The following NFATC1 variants were observed in gnomAD, a reference collection of about 807,000 sequenced individuals.
NFATC1 encodes nuclear factor of activated T-cells, cytoplasmic 1.
In NFATC1, 22 loss-of-function variants were observed where a neutral mutation model predicts 76.0. The ratio of observed to expected loss-of-function variants is 0.29; its 90% CI spans 0.21 to 0.41. The LOEUF (loss-of-function observed/expected upper bound fraction) is 0.41, where lower values mean the gene tolerates loss of function less well. NFATC1 is among the 10% of genes least tolerant of loss of function. The pLI, the probability that NFATC1 is intolerant of heterozygous loss-of-function variation, is 1.00. For missense variants in NFATC1, 1,357 were observed against 1,337.7 expected (o/e 1.01, Z -0.23); for synonymous variants, 704 against 613.1 (o/e 1.15, Z -2.19).
intron 9 of NFATC1, among the ~76,000 whole-genome samples, chr18:79,502,202 T>C (rs2090028418): frequency 6.6e-6 from 1 of 152,238 alleles, no homozygotes; most frequent in South Asian, 2.1e-4. Context: ...AATTCTTATG[T>C]CTGCGGTAAA....
intron 3 of NFATC1, chr18:79,448,457 C>A: frequency 2.6e-6 from 1 of 381,382 alleles, no homozygotes; most frequent in Non-Finnish European, 4.8e-6. Flanking sequence ...GAGCCTTGCA[C>A]ATGGCTCAGC....
intron 3 of NFATC1, among the ~76,000 whole-genome samples, chr18:79,443,044 T>G (rs2087044942): frequency 6.6e-6 from 1 of 152,166 alleles, no homozygotes; most frequent in Non-Finnish European, 1.5e-5. Context: ...CCCTTCCCGG[T>G]CAGGACTGAG....
chr18:79,504,625 G>A (rs1025535271), intron 9 of NFATC1, among the ~76,000 whole-genome samples: 1 of 152,286 alleles, frequency 6.6e-6, no homozygotes, highest in Non-Finnish European at 1.5e-5. Context: ...GGCACCTGCT[G>A]TTGGAAACGT....
chr18:79,469,246 T>G, intron 8 of NFATC1: 1 of 814,242 alleles, frequency 1.2e-6, no homozygotes, highest in Non-Finnish European at 1.5e-6. Flanking sequence ...AAATTGAATG[T>G]TTTAAAGAAA....
intron 1 of NFATC1, among the ~76,000 whole-genome samples, chr18:79,397,201 TTG>T (rs2085036981): frequency 2.6e-5 from 4 of 152,318 alleles, no homozygotes; most frequent in Admixed American, 2.6e-4. Flanking sequence ...GAAAATACCC[TTG>T]CAGAGGTGTG....
At chr18:79,481,950 A>G (rs2089289560) in intron 8 of NFATC1, among the ~76,000 whole-genome samples, 1 of 130,946 alleles carries the variant, frequency 7.6e-6, no homozygotes, top group Admixed American at 7.7e-5. Flanking sequence ...GTGTCACTCC[A>G]GCATGACCTG....
At chr18:79,456,680 G>A (rs1439721394) in intron 6 of NFATC1, among the ~76,000 whole-genome samples, 6 of 152,320 alleles carry the variant, frequency 3.9e-5, no homozygotes, top group Admixed American at 2.6e-4. Context: ...GGAAGGTCTC[G>A]GCCTGGGGCA....
chr18:79,444,395 G>C (rs1056608015), intron 3 of NFATC1, among the ~76,000 whole-genome samples: 4 of 152,194 alleles, frequency 2.6e-5, no homozygotes, highest in African/African-American at 9.6e-5. Context: ...CAGGACAAGA[G>C]GTGTGCGGCG....
chr18:79,484,830 G>A (rs2089446780), intron 8 of NFATC1, among the ~76,000 whole-genome samples: 1 of 152,096 alleles, frequency 6.6e-6, no homozygotes, highest in Non-Finnish European at 1.5e-5. Context: ...CTGCCTTCAC[G>A]ACCGCCGGGA....
chr18:79,504,488 C>T (rs1396272918), intron 9 of NFATC1, among the ~76,000 whole-genome samples: 1 of 152,150 alleles, frequency 6.6e-6, no homozygotes, highest in Non-Finnish European at 1.5e-5. Flanking sequence ...GGGCACAGTT[C>T]GTGGCACCCC....
At chr18:79,484,511 C>T (rs548744944) in intron 8 of NFATC1, among the ~76,000 whole-genome samples, 3 of 152,100 alleles carry the variant, frequency 2.0e-5, no homozygotes, top group South Asian at 4.2e-4. Flanking sequence ...GTGTGCAGGG[C>T]GGACGCTTTA....
chr18:79,421,922 C>G (rs1380181455), intron 2 of NFATC1: 1 of 152,264 alleles, frequency 6.6e-6, no homozygotes. Flanking sequence ...TAGCTCCAGG[C>G]GTCAGAGTCT....
Position 79,525,468 on chromosome 18 carries a change from TCCCACCG to T in NFATC1, c.2783-2059_2783-2053del, listed in dbSNP as rs1373325325. Among the ~76,000 whole-genome samples the T allele has an allele frequency of 8.2e-5, 4 of 48,616 alleles. 1 individual carries two copies. The highest frequency in any genetic ancestry group is 1.6e-4 in the Non-Finnish European group (4 of 24,890). The allele number at this position is 48,616 out of a possible 152,430, so 31.9% of individuals were successfully genotyped here. ...TCGTTACCCCTCAGTCCTCCCCACG[TCCCACCG>T]TTGTTACCCCTCAGGCCTCCCCACG... On this transcript the variant is annotated intron_variant, in intron 9 of 9. Coordinates refer to ENST00000427363, the MANE Select transcript of NFATC1 (RefSeq NM_001278669.2).
At chr18:79,473,673 A>G (rs1030540660) in intron 8 of NFATC1, among the ~76,000 whole-genome samples, 1 of 122,452 alleles carries the variant, frequency 8.2e-6, no homozygotes, top group Non-Finnish European at 1.7e-5. Context: ...GACGTTGTAA[A>G]CCTGAGGGAA....
intron 1 of NFATC1, chr18:79,400,588 G>A: frequency 9.7e-7 from 1 of 1,028,310 alleles, no homozygotes; most frequent in Non-Finnish European, 1.3e-6. Flanking sequence ...GGAGTCCCCG[G>A]CGCGCCCGGG....
intron 6 of NFATC1, among the ~76,000 whole-genome samples, chr18:79,455,780 A>ACGGCCGCCCCATCCCC (rs2087689488): frequency 1.4e-4 from 2 of 14,106 alleles, no homozygotes; most frequent in South Asian, 1.8e-3. Flanking sequence ...GCCCCATCCC[A>ACGGCCGCCCCATCCCC]CGGCCGCCCC....
chr18:79,513,427 C>G (rs1430782050), intron 9 of NFATC1, among the ~76,000 whole-genome samples: 1 of 152,226 alleles, frequency 6.6e-6, no homozygotes, highest in African/African-American at 2.4e-5. Flanking sequence ...TCCCAGATAC[C>G]CGCGTCATCC....
At chr18:79,416,573 C>A (rs558282940) in intron 2 of NFATC1, among the ~76,000 whole-genome samples, 1 of 152,308 alleles carries the variant, frequency 6.6e-6, no homozygotes, top group Admixed American at 6.5e-5. Flanking sequence ...AGGTGGTAGC[C>A]GTGGGGTCTT....
rs1209816042 is a variant in NFATC1, at chr18:79,400,495, AGGGCGCGGG to A, written c.127+4155_127+4163del. ...GCCGCCCCAGGTGGGTCAGTCCCGG[AGGGCGCGGG>A]GGGCGCGGGGCCAGGTCGGGGTTTG... On this transcript the variant is annotated intron_variant, in intron 1 of 9. Transcript: ENST00000427363. 53 of 1,425,052 alleles carry A rather than the reference AGGGCGCGGG, an allele frequency of 3.7e-5. No homozygotes were observed. In the Middle Eastern group the frequency reaches 7.7e-4, roughly 21 times the overall value. 88.3% of individuals were successfully genotyped at this position (1,425,052 alleles called of 1,614,324 possible).
Sources: gnomAD v4.1 joint callset for allele counts (sites outside exome capture counted in the v4.1 genomes callset) on GRCh38, gnomAD v4.1.1 for gene constraint, MANE v1.5 for transcripts, NCBI Gene and HGNC (gene_info 2026-07-23, HGNC 2026-07-21) for gene names.